LYPD1: variants seen among roughly 807,000 people sequenced by gnomAD.
LYPD1 encodes the protein LY6/PLAUR domain containing 1.
In LYPD1, 14 loss-of-function variants were observed where a neutral mutation model predicts 14.2. The observed-to-expected ratio is 0.99, with a 90% confidence interval of 0.65 to 1.54. The LOEUF (loss-of-function observed/expected upper bound fraction) is 1.54. LYPD1 is among the 40% of genes most tolerant of loss of function. LYPD1 has a pLI of 0.00. For synonymous variants in LYPD1, 85 were observed against 70.6 expected (o/e 1.20, Z -1.02); for missense variants, 165 against 175.7 (o/e 0.94, Z 0.34).
At chr2:132,656,614 T>C (rs890953154) in intron 2 of LYPD1, among the ~76,000 whole-genome samples, 13 of 152,232 alleles carry the variant, frequency 8.5e-5, no homozygotes, top group African/African-American at 3.1e-4. Flanking sequence ...GGCTTCTCTA[T>C]ACATTTGCCT....
In LYPD1 at chr2:132,670,081, C is replaced by T. The variant is rs763131183; in HGVS notation, c.-149G>A. ...GACGACGGTCGTAGCTTAGAGGAGCCGCAGGTGCCGCTCGCGGAGCCTGCA... is the reference window on the plus strand; with the variant it reads ...GACGACGGTCGTAGCTTAGAGGAGCTGCAGGTGCCGCTCGCGGAGCCTGCA... On this transcript the variant is annotated 5_prime_UTR_variant, in exon 1 of 3. Transcript: ENST00000397463. The surrounding 1 kb of genome is among the most constrained non-coding windows in gnomAD (Gnocchi z 4.5). 2.4e-5 allele frequency: 36 copies of T among 1,481,964 alleles called. No individual in the cohort carries two copies. The highest frequency in any genetic ancestry group is 2.9e-5 in the African/African-American group (2 of 68,642). 91.8% of individuals were successfully genotyped at this position (1,481,964 alleles called of 1,614,324 possible). A position where few individuals can be genotyped will look rare whatever the true frequency, so the allele number is the denominator to read the frequency against.
At chr2:132,653,404 C>A (rs1321330452) in intron 2 of LYPD1, among the ~76,000 whole-genome samples, 1 of 152,152 alleles carries the variant, frequency 6.6e-6, no homozygotes, top group Non-Finnish European at 1.5e-5. Flanking sequence ...ATAACCCCAT[C>A]CAATCAGGTA....
chr2:132,647,552 C>T (rs1558874076), intron 2 of LYPD1, among the ~76,000 whole-genome samples: 1 of 152,192 alleles, frequency 6.6e-6, no homozygotes, highest in Non-Finnish European at 1.5e-5. Flanking sequence ...AGGATGGTCT[C>T]GATCTCCTGA....
chr2:132,658,953 GGTGT>G (rs3043652), intron 2 of LYPD1, among the ~76,000 whole-genome samples: 99,490 of 150,854 alleles, frequency 0.66, 33,995 homozygotes, highest in African/African-American at 0.85. Context: ...GTGTTGTAGA[GGTGT>G]GTGTGTGTGT....
rs1648526587 is a variant in LYPD1, at chr2:132,656,572, T to G, written c.191-10292A>C. ...CTGTGTGAGGAATTTTGACATTCTC[T>G]GCATTCTAATGAAAATGACTTGGAA... On this transcript the variant is annotated intron_variant, in intron 2 of 2. Coordinates refer to ENST00000397463, the MANE Select transcript of LYPD1 (RefSeq NM_144586.7). Among the ~76,000 whole-genome samples the G allele has an allele frequency of 2.6e-5, 4 of 152,242 alleles. No homozygotes were observed. In the South Asian group the frequency reaches 8.3e-4, roughly 31 times the overall value.
At position 132,645,490 on chromosome 2, in the gene LYPD1, G is replaced by A; in HGVS notation, c.*555C>T. 2 of 1,613,856 alleles carry A rather than the reference G, an allele frequency of 1.2e-6. No homozygotes were observed. The highest frequency in any genetic ancestry group is 1.7e-6 in the Non-Finnish European group (2 of 1,180,038). ...GATTTTCTTAAGCACTTTTCAGAGC[G>A]AGGCCGAGCCCCAGTCTAAGTCCCA... On this transcript the variant is annotated 3_prime_UTR_variant, in exon 3 of 3. Transcript: ENST00000397463.
chr2:132,665,391 A>C (rs942820865), intron 2 of LYPD1, among the ~76,000 whole-genome samples: 3 of 152,226 alleles, frequency 2.0e-5, no homozygotes, highest in African/African-American at 7.2e-5. Context: ...GCAAGTCCAC[A>C]TAGCACTCAA....
chr2:132,646,025 G>T lies in LYPD1; in HGVS notation c.*20C>A, dbSNP rs1302941778. ...AGGGCTGGAAGAACAATGCAGGAGG[G>T]GGTGGCATCTCCTTCAGCTTCAGCA... On this transcript the variant is annotated 3_prime_UTR_variant, in exon 3 of 3. Transcript: ENST00000397463. 7 of 1,502,340 alleles carry T rather than the reference G, an allele frequency of 4.7e-6. No homozygotes were observed. Among genetic ancestry groups the T allele is most frequent in the South Asian group, 3.9e-5 (3 of 76,380 alleles). The allele number at this position is 1,502,340 out of a possible 1,614,324, so 93.1% of individuals were successfully genotyped here.
In LYPD1 at chr2:132,644,862, A is replaced by G. The variant is rs1681967202; in HGVS notation, c.*1183T>C. ...ATCAACTGGTATAAATACACTGTCT[A>G]AAGCATTTAATGGTCTTTCTTTAAC... is the stretch of plus-strand genomic sequence containing the variant. On this transcript the variant is annotated 3_prime_UTR_variant, in exon 3 of 3. Coordinates refer to ENST00000397463, the MANE Select transcript of LYPD1 (RefSeq NM_144586.7). 3.6e-6 allele frequency: 2 copies of G among 555,040 alleles called. No homozygotes were observed. Among genetic ancestry groups the G allele is most frequent in the African/African-American group, 1.9e-5 (1 of 52,924 alleles). 34.4% of individuals were successfully genotyped at this position (555,040 alleles called of 1,614,324 possible).
At chr2:132,656,547 C>G (rs939551415) in intron 2 of LYPD1, among the ~76,000 whole-genome samples, 1 of 152,112 alleles carries the variant, frequency 6.6e-6, no homozygotes, top group Non-Finnish European at 1.5e-5. Context: ...TGAAAGAACA[C>G]TGTGTGAGGA....
intron 2 of LYPD1, among the ~76,000 whole-genome samples, chr2:132,659,567 C>T (rs757576019): frequency 2.6e-5 from 4 of 152,222 alleles, no homozygotes; most frequent in Non-Finnish European, 5.9e-5. Flanking sequence ...TGGATCTTAA[C>T]TCACTCTTAT....
rs1341271689 is a variant in LYPD1 at position 132,646,223 on chromosome 2, C to G, written c.248G>C (p.Gly83Ala). ...CCCTGGGGAGCAGAAGGACTGGTAC[C>G]CGGCAGAGGCGATGAGACAGGCCGC... ...SSAACLIASA[G>A]YQSFCSPGKL... The change falls in exon 3 of 3, where the codon GGG (glycine) becomes GCG (alanine). Residue 83 changes from glycine to alanine, a missense_variant. Coordinates refer to ENST00000397463, the MANE Select transcript of LYPD1 (RefSeq NM_144586.7). 6 of 1,596,274 alleles carry G rather than the reference C, an allele frequency of 3.8e-6. No individual in the cohort carries two copies. Among genetic ancestry groups the G allele is most frequent in the Non-Finnish European group, 4.3e-6 (5 of 1,169,706 alleles).
chr2:132,671,066 G>C (rs771453140), upstream of LYPD1: 2 of 152,506 alleles, frequency 1.3e-5, no homozygotes, highest in Admixed American at 1.3e-4. Context: ...CCGATTATTA[G>C]CACATACTCC....
intron 2 of LYPD1, among the ~76,000 whole-genome samples, chr2:132,652,645 A>G (rs1682401235): frequency 6.6e-6 from 1 of 152,154 alleles, no homozygotes; most frequent in Non-Finnish European, 1.5e-5. Flanking sequence ...TCCTGCCAAG[A>G]CCAAGTCATT....
chr2:132,660,801 G>T (rs1452300793), intron 2 of LYPD1, among the ~76,000 whole-genome samples: 2 of 152,180 alleles, frequency 1.3e-5, no homozygotes, highest in African/African-American at 2.4e-5. Flanking sequence ...AAGGAGTTCT[G>T]CCTATACAAA....
chr2:132,670,236 G>A, upstream of LYPD1: 1 of 757,876 alleles, frequency 1.3e-6, no homozygotes, highest in Non-Finnish European at 1.8e-6. This position sits in a 1 kb window ranked among gnomAD's most constrained non-coding sequence, Gnocchi z 4.5. Context: ...ACCCACAAAA[G>A]TCTCGCCTTT....
chr2:132,646,043 C>A lies in LYPD1; in HGVS notation c.*2G>T. 1 of 1,552,648 alleles carries A rather than the reference C, an allele frequency of 6.4e-7. No homozygotes were observed. Among genetic ancestry groups the A allele is most frequent in the Non-Finnish European group, 8.7e-7 (1 of 1,146,626 alleles). On this transcript the variant is annotated 3_prime_UTR_variant, in exon 3 of 3. Transcript: ENST00000397463. ...CAGGAGGGGGTGGCATCTCCTTCAG[C>A]TTCAGCAGTGTGCCGAGAAGAGGGC... is the stretch of plus-strand genomic sequence containing the variant.
chr2:132,662,772 G>A (rs1683030136), intron 2 of LYPD1, among the ~76,000 whole-genome samples: 1 of 152,124 alleles, frequency 6.6e-6, no homozygotes, highest in South Asian at 2.1e-4. Flanking sequence ...CCCCAGCTTT[G>A]AAACCTCTCT....
chr2:132,648,870 A>C (rs1229796401), intron 2 of LYPD1, among the ~76,000 whole-genome samples: 3 of 152,198 alleles, frequency 2.0e-5, no homozygotes, highest in South Asian at 2.1e-4. Flanking sequence ...AGGTGTGTCC[A>C]TTGCCAGGCT....
Sources: allele counts gnomAD v4.1 joint callset (sites outside exome capture counted in the v4.1 genomes callset), GRCh38; gene constraint gnomAD v4.1.1; non-coding constraint Gnocchi (gnomAD v3.1); transcripts MANE v1.5; gene names NCBI Gene and HGNC (gene_info 2026-07-23, HGNC 2026-07-21).